PNPLA7: variants seen among roughly 807,000 people sequenced by gnomAD.
The protein encoded by PNPLA7 is patatin-like phospholipase domain-containing protein 7.
In PNPLA7, 153 loss-of-function variants were observed where a neutral mutation model predicts 161.7. That is an observed-to-expected ratio of 0.95 (90% CI 0.83 to 1.08). The LOEUF (loss-of-function observed/expected upper bound fraction) is 1.08, where lower values mean the gene tolerates loss of function less well. PNPLA7 is among the 50% of genes least tolerant of loss of function. PNPLA7 has a pLI of 0.00. For missense variants in PNPLA7, 1,739 were observed against 1,856.6 expected (o/e 0.94, Z 1.16); for synonymous variants, 809 against 782.1 (o/e 1.03, Z -0.57).
chr9:137,523,204 G>A lies in PNPLA7; in HGVS notation c.748-347C>T, dbSNP rs1337579306. ...CCAGCTCACCAGCGTCCTACTCTAC[G>A]TCCGACATCAGCGTCGGTACCCCTC... is the stretch of plus-strand genomic sequence containing the variant. On this transcript the variant is annotated intron_variant, in intron 8 of 34. Coordinates refer to ENST00000406427, the MANE Select transcript of PNPLA7 (RefSeq NM_001098537.3). The surrounding 1 kb of genome is among the most constrained non-coding windows in gnomAD (Gnocchi z 4.4). Among the ~76,000 whole-genome samples, 1 of 152,104 alleles carries A rather than the reference G, an allele frequency of 6.6e-6. No individual in the cohort carries two copies. The highest frequency in any genetic ancestry group is 2.4e-5 in the African/African-American group (1 of 41,404).
chr9:137,548,565 C>A (rs879567167), intron 1 of PNPLA7, among the ~76,000 whole-genome samples: 1 of 152,004 alleles, frequency 6.6e-6, no homozygotes, highest in Non-Finnish European at 1.5e-5. Flanking sequence ...CTGGCTAACA[C>A]GGTGAAACCC....
chr9:137,505,795 G>C (rs765489194), intron 13 of PNPLA7, 35 bp from the exon 14 acceptor site: 2 of 1,611,044 alleles, frequency 1.2e-6, no homozygotes, highest in South Asian at 2.2e-5. Context: ...AATTCGAAGG[G>C]ATGTGGTTGG....
intron 29 of PNPLA7, 27 bp from the exon 30 acceptor site, chr9:137,462,860 C>G (rs199798551): frequency 6.2e-7 from 1 of 1,611,774 alleles, no homozygotes; most frequent in Non-Finnish European, 8.5e-7. Context: ...CCTGGTTACC[C>G]CCTGGACAGG....
rs752691743 is a variant in PNPLA7, at chr9:137,460,724, G to A, written c.3855C>T (p.Tyr1285=). ...GCAGCTCCTCCTCGTACTCCGTCTG[G>A]TAGTCAGATTCGTCTGGCACCGAGG... is the stretch of plus-strand genomic sequence containing the variant. ...KPAMVDDESD[Y]QTEYEEELLD... is the part of the protein sequence containing the mutation. Residue 1285 remains tyrosine, a synonymous_variant, in exon 34 of 35, where the codon TAC becomes TAT. Coordinates refer to ENST00000406427, the MANE Select transcript of PNPLA7 (RefSeq NM_001098537.3). 1.2e-6 allele frequency: 2 copies of A among 1,612,694 alleles called. No individual in the cohort carries two copies. Among genetic ancestry groups the A allele is most frequent in the Non-Finnish European group, 1.7e-6 (2 of 1,179,862 alleles).
Position 137,480,985 on chromosome 9 carries a change from G to A in PNPLA7, c.2386C>T (p.Arg796Cys), listed in dbSNP as rs776857201. The A allele has an allele frequency of 1.6e-4, 244 of 1,551,506 alleles. 1 individual carries two copies. Among genetic ancestry groups the A allele is most frequent in the South Asian group, 5.5e-4 (46 of 84,070 alleles). ...LLLTSDNIKRRLGSAALDSVH... is the reference protein window; with the variant it reads ...LLLTSDNIKRCLGSAALDSVH... ...CTGTCCAGGGCAGCGGAGCCAAGGCGCCGTTTTATGTTGTCACTAGTCAGC... is the reference window on the plus strand; with the variant it reads ...CTGTCCAGGGCAGCGGAGCCAAGGCACCGTTTTATGTTGTCACTAGTCAGC... Residue 796 changes from arginine to cysteine, a missense_variant, in exon 22 of 35, where the codon CGC becomes TGC. Arg to Cys is a radical substitution (Grantham distance 180, BLOSUM62 -3). This residue lies in a region of PNPLA7 where 192 missense variants were observed against 249.5 expected (regional missense o/e 0.77). Transcript: ENST00000406427.
At chr9:137,502,761 C>T (rs911639110) in intron 14 of PNPLA7, among the ~76,000 whole-genome samples, 1 of 18,970 alleles carries the variant, frequency 5.3e-5, no homozygotes, top group Non-Finnish European at 9.8e-5. Context: ...GAGCCGGCCA[C>T]GGTGACATGG....
rs547125421 is a variant in PNPLA7, at chr9:137,473,271, C to A, written c.2882+4763G>T. ...GGCCAAACCATATCATTCAGAGCAA[C>A]CAGACACCACATGGGAAAAGTGAAC... On this transcript the variant is annotated intron_variant, in intron 25 of 34. Transcript: ENST00000406427. Among the ~76,000 whole-genome samples the A allele has an allele frequency of 3.1e-4, 47 of 152,210 alleles. No individual in the cohort carries two copies. In the South Asian group the frequency reaches 6.9e-3, roughly 22 times the overall value.
chr9:137,544,570 G>A (rs944716493), intron 4 of PNPLA7, among the ~76,000 whole-genome samples: 4 of 152,136 alleles, frequency 2.6e-5, no homozygotes, highest in East Asian at 3.9e-4. Flanking sequence ...CACTTAATGC[G>A]GATGAGAACA....
At chr9:137,493,411 G>A (rs1832878272) in intron 19 of PNPLA7, among the ~76,000 whole-genome samples, 1 of 152,230 alleles carries the variant, frequency 6.6e-6, no homozygotes, top group African/African-American at 2.4e-5. Context: ...CTCCAAGCAA[G>A]CCACCCACGA....
At position 137,462,732 on chromosome 9, in the gene PNPLA7, A is replaced by T. The variant is rs1401814915; in HGVS notation, c.3445T>A (p.Trp1149Arg). ...TTCCAGCGTTTCCACAGCAGCCACC[A>T]CCCAGACAGCGCATCCCCATAGTTG... is the stretch of plus-strand genomic sequence containing the variant. ...LTNYGDALSGWWLLWKRWNPL... is the reference protein window; with the variant it reads ...LTNYGDALSGRWLLWKRWNPL... The change falls in exon 30 of 35, where the codon TGG becomes AGG. Residue 1149 changes from tryptophan to arginine, a missense_variant. Trp to Arg is a moderately radical substitution (Grantham distance 101). Coordinates refer to ENST00000406427, the MANE Select transcript of PNPLA7 (RefSeq NM_001098537.3). 1 of 1,613,772 alleles carries T rather than the reference A, an allele frequency of 6.2e-7. No individual in the cohort carries two copies. The highest frequency in any genetic ancestry group is 2.2e-5 in the East Asian group (1 of 44,874).
rs542447304 is a variant in PNPLA7, at chr9:137,543,314, C to T, written c.506+118G>A. The T allele has an allele frequency of 8.3e-6, 11 of 1,320,000 alleles. No homozygotes were observed. Among genetic ancestry groups the T allele is most frequent in the South Asian group, 1.3e-5 (1 of 77,448 alleles). The allele number at this position is 1,320,000 out of a possible 1,614,324, so 81.8% of individuals were successfully genotyped here. A position where few individuals can be genotyped will look rare whatever the true frequency, so the allele number is the denominator to read the frequency against. ...CGGGGCACAGACACCAGCAGCCCCA[C>T]GATGCGCTTTGCCAACCATTCCCCC... On this transcript the variant is annotated intron_variant, in intron 6 of 34. Coordinates refer to ENST00000406427, the MANE Select transcript of PNPLA7 (RefSeq NM_001098537.3). The surrounding 1 kb of genome is among the most constrained non-coding windows in gnomAD (Gnocchi z 6.9).
Position 137,543,687 on chromosome 9 carries a change from A to G in PNPLA7, c.365+37T>C. The G allele has an allele frequency of 6.2e-7, 1 of 1,612,132 alleles. No individual in the cohort carries two copies. Among genetic ancestry groups the G allele is most frequent in the East Asian group, 2.2e-5 (1 of 44,862 alleles). On this transcript the variant is annotated intron_variant, in intron 5 of 34. Transcript: ENST00000406427. The surrounding 1 kb of genome is among the most constrained non-coding windows in gnomAD (Gnocchi z 6.9). ...TGGGGAGGCCAGCACCATGGGGGGC[A>G]CCTGGGGCAGGATGTGGTCTGAAGG...
Position 137,520,128 on chromosome 9 carries a change from G to A in PNPLA7, c.958-85C>T, listed in dbSNP as rs1029573653. 2 of 1,568,570 alleles carry A rather than the reference G, an allele frequency of 1.3e-6. No homozygotes were observed. Among genetic ancestry groups the A allele is most frequent in the African/African-American group, 2.7e-5 (2 of 73,778 alleles). On this transcript the variant is annotated intron_variant, in intron 10 of 34. Transcript: ENST00000406427. The surrounding 1 kb of genome is among the most constrained non-coding windows in gnomAD (Gnocchi z 5.2). ...TGTGGGCTCCTCAAAGGTGTGACAGGTGTGGGCTCCTCAAAGGTGTGACAG... is the reference window on the plus strand; with the variant it reads ...TGTGGGCTCCTCAAAGGTGTGACAGATGTGGGCTCCTCAAAGGTGTGACAG...
chr9:137,492,332 C>T, intron 20 of PNPLA7: 1 of 982,026 alleles, frequency 1.0e-6, no homozygotes, highest in Non-Finnish European at 1.2e-6. Context: ...AATCAGCTGA[C>T]AAAAATAGGA....
At chr9:137,471,713 G>A (rs1005867082) in intron 25 of PNPLA7, among the ~76,000 whole-genome samples, 1 of 151,894 alleles carries the variant, frequency 6.6e-6, no homozygotes, top group Non-Finnish European at 1.5e-5. Flanking sequence ...GCAAATCATG[G>A]CTGATCATAA....
intron 11 of PNPLA7, among the ~76,000 whole-genome samples, chr9:137,518,338 A>C (rs1588663949): frequency 1.6e-5 from 1 of 62,522 alleles, no homozygotes; most frequent in Non-Finnish European, 2.9e-5. Flanking sequence ...CACTCACTCC[A>C]CTCTGCTCAC....
At chr9:137,502,385 A>G (rs1213389711) in intron 14 of PNPLA7, among the ~76,000 whole-genome samples, 4 of 151,806 alleles carry the variant, frequency 2.6e-5, no homozygotes, top group Admixed American at 2.0e-4. Flanking sequence ...ACAAACCATT[A>G]AACTTCCCAA....
rs369466522 is a variant in PNPLA7 at position 137,505,669 on chromosome 9, G to A, written c.1418C>T (p.Ser473Leu). 98 of 1,614,004 alleles carry A rather than the reference G, an allele frequency of 6.1e-5. No homozygotes were observed. The highest frequency in any genetic ancestry group is 7.5e-5 in the Non-Finnish European group (89 of 1,180,044). Residue 473 changes from serine to leucine, a missense_variant, in exon 14 of 35, where the codon TCG (serine) becomes TTG (leucine). Transcript: ENST00000406427. The part of the protein sequence containing the change: ...HTDETLASRK[S>L]DAIFRAAKKD... ...CTTGGCAGCTCTGAAGATGGCATCCGACTTCCTGCTGGCCAGGGTCTCATC... is the reference window on the plus strand; with the variant it reads ...CTTGGCAGCTCTGAAGATGGCATCCAACTTCCTGCTGGCCAGGGTCTCATC...
At chr9:137,536,025 C>T (rs1219467750) in intron 8 of PNPLA7, among the ~76,000 whole-genome samples, 6 of 151,318 alleles carry the variant, frequency 4.0e-5, no homozygotes, top group South Asian at 2.1e-4. Flanking sequence ...TGGCAGTGGG[C>T]GCCTGTAGTC....
Sources: gnomAD v4.1 joint callset for allele counts (sites outside exome capture counted in the v4.1 genomes callset) on GRCh38, gnomAD v4.1.1 for gene constraint, gnomAD v4.1.1 regional missense constraint, Gnocchi (gnomAD v3.1) non-coding constraint, MANE v1.5 for transcripts, NCBI Gene and HGNC (gene_info 2026-07-23, HGNC 2026-07-21) for gene names.